FANCC: variants seen among roughly 807,000 people sequenced by gnomAD.
FANCC encodes the protein FA complementation group C.
A neutral mutation model predicts 71.3 loss-of-function variants in FANCC; 55 were observed. That is an observed-to-expected ratio of 0.77 (90% confidence interval 0.62 to 0.97). The LOEUF is 0.97. FANCC is among the 50% of genes least tolerant of loss of function. FANCC has a pLI of 0.00. For missense variants in FANCC, 678 were observed against 670.9 expected (o/e 1.01, Z -0.12); for synonymous variants, 275 against 244.9 (o/e 1.12, Z -1.15).
chr9:95,156,927 C>T (rs1367764891), intron 6 of FANCC, among the ~76,000 whole-genome samples: 3 of 152,194 alleles, frequency 2.0e-5, no homozygotes, highest in African/African-American at 7.2e-5. Flanking sequence ...TTAAGATTTA[C>T]AAATTGAAAC....
In FANCC at chr9:95,110,274, C is replaced by T. The variant is rs994697225; in HGVS notation, c.1329+1189G>A. The stretch of plus-strand genomic sequence containing the variant: ...TTCTTTATACTTCAAAAGTGATTCT[C>T]TGTCAGTAACCTTTTGACTGTGATG... On this transcript the variant is annotated intron_variant, in intron 13 of 14. Coordinates refer to ENST00000289081, the MANE Select transcript of FANCC (RefSeq NM_000136.3). 1.4e-5 allele frequency: 14 copies of T among 1,011,356 alleles called. No individual in the cohort carries two copies. In the African/African-American group the frequency reaches 2.4e-4, roughly 17 times the overall value. 62.6% of individuals were successfully genotyped at this position (1,011,356 alleles called of 1,614,324 possible).
At chr9:95,268,773 C>T (rs1032400862) in intron 1 of FANCC, among the ~76,000 whole-genome samples, 5 of 152,066 alleles carry the variant, frequency 3.3e-5, no homozygotes, top group African/African-American at 1.2e-4. Flanking sequence ...AGGTAAAGAC[C>T]TTAATTCACC....
intron 4 of FANCC, among the ~76,000 whole-genome samples, chr9:95,220,042 C>T (rs996889567): frequency 3.3e-5 from 5 of 152,116 alleles, no homozygotes; most frequent in African/African-American, 1.2e-4. Context: ...ACAACCCCAT[C>T]AAAAAGTGGG....
intron 8 of FANCC, chr9:95,127,542 G>C (rs1826187871): frequency 6.6e-6 from 1 of 152,396 alleles, no homozygotes; most frequent in Non-Finnish European, 1.5e-5. Context: ...CTCTGACAGG[G>C]GCAGGTGCGG....
intron 10 of FANCC, among the ~76,000 whole-genome samples, chr9:95,123,136 C>CA (rs930362284): frequency 5.5e-4 from 83 of 150,928 alleles, no homozygotes; most frequent in African/African-American, 1.8e-3. Context: ...TCTATCTCTA[C>CA]AAAAAAAAAT....
At chr9:95,207,927 AGACTACATTCAG>A (rs931883509) in intron 4 of FANCC, among the ~76,000 whole-genome samples, 53 of 152,130 alleles carry the variant, frequency 3.5e-4, no homozygotes, top group Non-Finnish European at 6.2e-4. Context: ...AATACAGACT[AGACTACATTCAG>A]GAGTGTGACA....
intron 4 of FANCC, among the ~76,000 whole-genome samples, chr9:95,206,192 A>C (rs1365152256): frequency 6.6e-6 from 1 of 152,218 alleles, no homozygotes; most frequent in Non-Finnish European, 1.5e-5. Context: ...GAGGAAGGAG[A>C]AAGGAAAAGC....
chr9:95,136,328 G>A (rs1827692501), intron 7 of FANCC, among the ~76,000 whole-genome samples: 1 of 152,040 alleles, frequency 6.6e-6, no homozygotes, highest in African/African-American at 2.4e-5. Flanking sequence ...GAGCCCAGGA[G>A]GCTGTGTTCA....
intron 4 of FANCC, among the ~76,000 whole-genome samples, chr9:95,194,137 A>T (rs1312316120): frequency 6.6e-6 from 1 of 152,172 alleles, no homozygotes; most frequent in Admixed American, 6.5e-5. Context: ...TGGGCCAGGC[A>T]GAGCATGGAA....
At chr9:95,180,150 T>G (rs1287688076) in intron 4 of FANCC, among the ~76,000 whole-genome samples, 1 of 152,128 alleles carries the variant, frequency 6.6e-6, no homozygotes, top group Non-Finnish European at 1.5e-5. Context: ...GCACACACAT[T>G]AGCTGAGGCC....
At chr9:95,145,149 T>C (rs569946830) in intron 7 of FANCC, 3 of 152,356 alleles carry the variant, frequency 2.0e-5, no homozygotes, top group South Asian at 4.1e-4. Flanking sequence ...TTAAGAGTTA[T>C]AGATTTAAAA....
chr9:95,305,256 C>T (rs1159770746), intron 1 of FANCC, among the ~76,000 whole-genome samples: 1 of 152,212 alleles, frequency 6.6e-6, no homozygotes, highest in Non-Finnish European at 1.5e-5. Flanking sequence ...TTCCAGTGGA[C>T]CCCTGCATGC....
chr9:95,152,192 T>C (rs1306863834), intron 6 of FANCC, among the ~76,000 whole-genome samples: 1 of 152,252 alleles, frequency 6.6e-6, no homozygotes, highest in African/African-American at 2.4e-5. Context: ...GTTCATTTAA[T>C]ACCTATTTAT....
intron 4 of FANCC, among the ~76,000 whole-genome samples, chr9:95,196,472 T>C (rs1265409777): frequency 6.6e-6 from 1 of 152,200 alleles, no homozygotes; most frequent in Non-Finnish European, 1.5e-5. Flanking sequence ...TGTTTTATTG[T>C]CTGCTATTTC....
chr9:95,260,775 T>C (rs1483090938), intron 1 of FANCC, among the ~76,000 whole-genome samples: 1 of 151,796 alleles, frequency 6.6e-6, no homozygotes, highest in Non-Finnish European at 1.5e-5. Flanking sequence ...TTATAGTTTA[T>C]AAATGTGAAT....
intron 13 of FANCC, among the ~76,000 whole-genome samples, chr9:95,108,048 T>C (rs2071594431): frequency 6.6e-6 from 1 of 152,200 alleles, no homozygotes; most frequent in Non-Finnish European, 1.5e-5. Flanking sequence ...CACATGGAAC[T>C]CGTGAACAGC....
At position 95,280,600 on chromosome 9, in the gene FANCC, A is replaced by G. The variant is rs570916773; in HGVS notation, c.-78-31231T>C. Among the ~76,000 whole-genome samples, 8 of 152,352 alleles carry G rather than the reference A, an allele frequency of 5.3e-5. No homozygotes were observed. The South Asian group carries it at 1.7e-3, about 32-fold the overall frequency. ...GATGACAAAAAAAGCAATTAAAAAT[A>G]AATGCAGGAAGTTTCAAAGGAAATT... is the stretch of plus-strand genomic sequence containing the variant. On this transcript the variant is annotated intron_variant, in intron 1 of 14. Transcript: ENST00000289081.
chr9:95,120,700 T>C (rs1460221997), intron 10 of FANCC, among the ~76,000 whole-genome samples: 1 of 152,222 alleles, frequency 6.6e-6, no homozygotes, highest in Non-Finnish European at 1.5e-5. Flanking sequence ...AGTGCTGGGA[T>C]TACAGGCATG....
At chr9:95,140,317 C>G (rs773441374) in intron 7 of FANCC, among the ~76,000 whole-genome samples, 1 of 152,106 alleles carries the variant, frequency 6.6e-6, no homozygotes. Context: ...CAAAAGACAC[C>G]TCCTTGAGAT....
Sources: allele counts gnomAD v4.1 joint callset (sites outside exome capture counted in the v4.1 genomes callset), GRCh38; gene constraint gnomAD v4.1.1; transcripts MANE v1.5; gene names NCBI Gene and HGNC (gene_info 2026-07-23, HGNC 2026-07-21).